LYPLAL1: variants seen among roughly 807,000 people sequenced by gnomAD.
The protein encoded by LYPLAL1 is lysophospholipase-like protein 1.
A neutral mutation model predicts 19.7 loss-of-function variants in LYPLAL1; 23 were observed. The observed-to-expected ratio is 1.17, with a 90% confidence interval of 0.84 to 1.65. The LOEUF (loss-of-function observed/expected upper bound fraction) is 1.65, where lower values mean the gene tolerates loss of function less well. Among genes scored for constraint, LYPLAL1 ranks in the 40% most tolerant of loss-of-function variants. The pLI, the probability that LYPLAL1 is intolerant of heterozygous loss-of-function variation, is 0.00. For synonymous variants in LYPLAL1, 119 were observed against 96.3 expected (o/e 1.24, Z -1.38); for missense variants, 355 against 279.4 (o/e 1.27, Z -1.93).
chr1:219,338,015 T>A, the LYPLAL1 span, among the ~76,000 whole-genome samples: 3 of 152,040 alleles, frequency 2.0e-5, no homozygotes, highest in Admixed American at 2.0e-4. Context: ...AATCTGTTTG[T>A]GTTTATTATT....
chr1:219,384,075 T>G, the LYPLAL1 span, among the ~76,000 whole-genome samples: 2 of 152,210 alleles, frequency 1.3e-5, no homozygotes, highest in Non-Finnish European at 2.9e-5. Flanking sequence ...AAGACAAGTT[T>G]CACTTGAAAA....
chr1:219,374,372 CA>C, the LYPLAL1 span, among the ~76,000 whole-genome samples: 1 of 152,202 alleles, frequency 6.6e-6, no homozygotes, highest in Admixed American at 6.5e-5. Flanking sequence ...TGGCAGCCCA[CA>C]GAGACGTCCA....
At chr1:219,421,748 G>A in the LYPLAL1 span, among the ~76,000 whole-genome samples, 1 of 152,068 alleles carries the variant, frequency 6.6e-6, no homozygotes. Flanking sequence ...TAGCAGGAGG[G>A]TGAGGGGAGC....
chr1:219,340,670 G>A, the LYPLAL1 span, among the ~76,000 whole-genome samples: 5 of 151,892 alleles, frequency 3.3e-5, no homozygotes, highest in Admixed American at 1.3e-4. Flanking sequence ...TGCTTTTAAC[G>A]AAGTTGAATC....
the LYPLAL1 span, among the ~76,000 whole-genome samples, chr1:219,383,969 T>G: frequency 6.6e-6 from 1 of 152,210 alleles, no homozygotes; most frequent in East Asian, 1.9e-4. Flanking sequence ...AAAAGGCTTC[T>G]TGGGATGGTA....
At chr1:219,269,656 C>G in the LYPLAL1 span, among the ~76,000 whole-genome samples, 1 of 152,142 alleles carries the variant, frequency 6.6e-6, no homozygotes, top group African/African-American at 2.4e-5. Flanking sequence ...ATACATCAGT[C>G]TAATGGACAG....
At chr1:219,381,498 A>G in the LYPLAL1 span, among the ~76,000 whole-genome samples, 1 of 152,186 alleles carries the variant, frequency 6.6e-6, no homozygotes, top group Non-Finnish European at 1.5e-5. Context: ...AAACTCATAT[A>G]TACGCTCTTA....
chr1:219,260,737 T>TA, the LYPLAL1 span, among the ~76,000 whole-genome samples: 2 of 150,848 alleles, frequency 1.3e-5, no homozygotes, highest in South Asian at 2.1e-4. Flanking sequence ...TATACATATA[T>TA]AAAAAAAGCC....
At chr1:219,341,720 T>C in the LYPLAL1 span, among the ~76,000 whole-genome samples, 1 of 152,096 alleles carries the variant, frequency 6.6e-6, no homozygotes, top group Non-Finnish European at 1.5e-5. Flanking sequence ...CAAGAACCTG[T>C]TTTTATAGGT....
the LYPLAL1 span, among the ~76,000 whole-genome samples, chr1:219,351,593 T>A: frequency 6.6e-6 from 1 of 152,032 alleles, no homozygotes; most frequent in Non-Finnish European, 1.5e-5. Context: ...ATCCATTTCA[T>A]TGATGGCGAA....
At chr1:219,246,609 C>T in the LYPLAL1 span, among the ~76,000 whole-genome samples, 1 of 152,312 alleles carries the variant, frequency 6.6e-6, no homozygotes, top group Middle Eastern at 3.4e-3. Context: ...CTCTTGGAGA[C>T]AGGGTCTCAC....
the LYPLAL1 span, among the ~76,000 whole-genome samples, chr1:219,385,506 C>T: frequency 1.2e-4 from 19 of 152,194 alleles, no homozygotes; most frequent in African/African-American, 4.1e-4. Context: ...TGTTATAGCA[C>T]GAGTCCTCAT....
the LYPLAL1 span, among the ~76,000 whole-genome samples, chr1:219,241,133 T>C: frequency 1.2e-5 from 1 of 82,154 alleles, no homozygotes; most frequent in African/African-American, 4.0e-5. Flanking sequence ...TCTCTCTCTC[T>C]CTATATATAT....
At chr1:219,250,324 C>T in the LYPLAL1 span, among the ~76,000 whole-genome samples, 1 of 151,968 alleles carries the variant, frequency 6.6e-6, no homozygotes, top group Non-Finnish European at 1.5e-5. Flanking sequence ...CTTGTGACCA[C>T]ATATCTGTGT....
chr1:219,222,050 G>A, the LYPLAL1 span, among the ~76,000 whole-genome samples: 2 of 151,732 alleles, frequency 1.3e-5, no homozygotes, highest in Non-Finnish European at 2.9e-5. Flanking sequence ...CACAAAAGTT[G>A]GAATCCTTTC....
chr1:219,391,307 ACAGGCATG>A, the LYPLAL1 span, among the ~76,000 whole-genome samples: 1 of 152,274 alleles, frequency 6.6e-6, no homozygotes, highest in East Asian at 1.9e-4. Context: ...GCCACCTGTC[ACAGGCATG>A]CAGATTGTCA....
chr1:219,325,796 C>G, the LYPLAL1 span, among the ~76,000 whole-genome samples: 1 of 152,162 alleles, frequency 6.6e-6, no homozygotes, highest in Non-Finnish European at 1.5e-5. Flanking sequence ...GGTGTTGGCT[C>G]TCATTGGTGA....
intron 3 of LYPLAL1, 113 bp downstream of exon 3, chr1:219,193,364 A>G (rs1657356194): frequency 1.5e-6 from 1 of 659,168 alleles, no homozygotes; most frequent in Non-Finnish European, 2.3e-6. Flanking sequence ...CGATGCATTC[A>G]TAGTTTCAGA....
chr1:219,319,911 G>A, the LYPLAL1 span, among the ~76,000 whole-genome samples: 2 of 152,172 alleles, frequency 1.3e-5, no homozygotes, highest in East Asian at 3.9e-4. Flanking sequence ...TCTGTGTGGG[G>A]TTAACTAGTC....
Sources: allele counts gnomAD v4.1 joint callset (sites outside exome capture counted in the v4.1 genomes callset), GRCh38; gene constraint gnomAD v4.1.1; transcripts MANE v1.5; gene names NCBI Gene and HGNC (gene_info 2026-07-23, HGNC 2026-07-21).